Variants in SFMBT2 observed in about 807,000 individuals in gnomAD.
The protein encoded by SFMBT2 is Scm like with four mbt domains 2.
SFMBT2 carries 38 observed loss-of-function variants against 110.1 expected under a neutral mutation model. That is an observed-to-expected ratio of 0.35 (90% CI 0.27 to 0.45). The LOEUF is 0.45. SFMBT2 is among the 20% of genes least tolerant of loss of function. The pLI is 1.00. For synonymous variants in SFMBT2, 425 were observed against 425.4 expected (o/e 1.00, Z 0.01); for missense variants, 1,011 against 1,094.9 (o/e 0.92, Z 1.08).
intron 16 of SFMBT2, among the ~76,000 whole-genome samples, chr10:7,187,138 G>A (rs1490491720): frequency 6.6e-6 from 1 of 152,216 alleles, no homozygotes; most frequent in African/African-American, 2.4e-5. Flanking sequence ...GCGGGAGCGA[G>A]TTTCTGGCTT....
At chr10:7,219,894 G>T (rs910983183) in intron 11 of SFMBT2, 1 of 159,958 alleles carries the variant, frequency 6.3e-6, no homozygotes, top group Non-Finnish European at 1.3e-5. Flanking sequence ...CTGTAAATAC[G>T]CTATAGCTAT....
At chr10:7,366,147 G>C (rs1038272295) in intron 4 of SFMBT2, among the ~76,000 whole-genome samples, 1 of 152,046 alleles carries the variant, frequency 6.6e-6, no homozygotes, top group Non-Finnish European at 1.5e-5. Context: ...AGGAGGATGC[G>C]GAAAGGAAGG....
intron 4 of SFMBT2, among the ~76,000 whole-genome samples, chr10:7,342,108 T>C (rs1843925594): frequency 6.7e-6 from 1 of 149,736 alleles, no homozygotes; most frequent in South Asian, 2.1e-4. Context: ...AAAGTTACCA[T>C]GTGTTCATTG....
rs192278427 is a variant in SFMBT2, at chr10:7,371,269, G to A, written c.101-894C>T. Among the ~76,000 whole-genome samples, 107 of 152,094 alleles carry A rather than the reference G, an allele frequency of 7.0e-4. 1 individual carries two copies. The highest frequency in any genetic ancestry group is 5.7e-3 in the Admixed American group (87 of 15,276). ...TTCCTAAGTAGCTGGGACTAAAGGC[G>A]TGCATCACCACGCCCAACAAATTTT... On this transcript the variant is annotated intron_variant, in intron 2 of 20. Transcript: ENST00000397167.
chr10:7,280,995 C>T (rs370710104), intron 6 of SFMBT2, among the ~76,000 whole-genome samples: 1 of 152,184 alleles, frequency 6.6e-6, no homozygotes, highest in South Asian at 2.1e-4. Context: ...AAGCCCAGCA[C>T]TTTGGAAGGC....
chr10:7,388,842 T>C (rs1344575463), intron 1 of SFMBT2, among the ~76,000 whole-genome samples: 2 of 152,086 alleles, frequency 1.3e-5, no homozygotes, highest in Non-Finnish European at 2.9e-5. Context: ...ATGGAGTGGA[T>C]GTGGCAGGGT....
At chr10:7,168,017 G>A (rs996621975) in intron 20 of SFMBT2, among the ~76,000 whole-genome samples, 10 of 151,372 alleles carry the variant, frequency 6.6e-5, no homozygotes, top group African/African-American at 2.2e-4. Context: ...GCAGTGAGCC[G>A]AGATCGCGCC....
At chr10:7,363,427 C>T (rs1844789896) in intron 4 of SFMBT2, among the ~76,000 whole-genome samples, 1 of 152,002 alleles carries the variant, frequency 6.6e-6, no homozygotes, top group Non-Finnish European at 1.5e-5. Flanking sequence ...CGGCTCACGG[C>T]AACCTTTGCC....
chr10:7,239,078 T>A (rs1840353626), intron 9 of SFMBT2, among the ~76,000 whole-genome samples: 1 of 152,216 alleles, frequency 6.6e-6, no homozygotes, highest in African/African-American at 2.4e-5. Flanking sequence ...ATTTTTTTTT[T>A]AAGTAGGAAC....
intron 4 of SFMBT2, among the ~76,000 whole-genome samples, chr10:7,346,229 C>A (rs1844103656): frequency 6.6e-6 from 1 of 152,160 alleles, no homozygotes; most frequent in South Asian, 2.1e-4. Context: ...TAATCACCAG[C>A]CTTTTAAAAT....
intron 4 of SFMBT2, among the ~76,000 whole-genome samples, chr10:7,325,216 C>T (rs1266937401): frequency 6.6e-6 from 1 of 152,072 alleles, no homozygotes; most frequent in Non-Finnish European, 1.5e-5. Flanking sequence ...GATCCACCCG[C>T]CTTAGCCTCC....
chr10:7,373,051 A>C (rs1477115281), intron 2 of SFMBT2, among the ~76,000 whole-genome samples: 1 of 152,198 alleles, frequency 6.6e-6, no homozygotes, highest in Middle Eastern at 3.2e-3. Context: ...TCATGTTGCA[A>C]TCTGATTCCC....
chr10:7,257,795 T>C (rs963599180), intron 7 of SFMBT2, among the ~76,000 whole-genome samples: 2 of 152,164 alleles, frequency 1.3e-5, no homozygotes, highest in African/African-American at 4.8e-5. Flanking sequence ...GATAAATACA[T>C]CTCACATGAT....
At chr10:7,256,068 C>A (rs1192591798) in intron 7 of SFMBT2, among the ~76,000 whole-genome samples, 1 of 152,168 alleles carries the variant, frequency 6.6e-6, no homozygotes, top group Non-Finnish European at 1.5e-5. Flanking sequence ...ATGCTCCCTG[C>A]ATTGTCATTT....
chr10:7,410,945 CG>C lies in SFMBT2; in HGVS notation c.-137del, dbSNP rs1183121785. 2.0e-5 allele frequency among the ~76,000 whole-genome samples: 3 copies of C among 151,596 alleles called. No individual in the cohort carries two copies. Among genetic ancestry groups the C allele is most frequent in the Non-Finnish European group, 4.4e-5 (3 of 67,842 alleles). On this transcript the variant is annotated 5_prime_UTR_variant, in exon 1 of 21. The change creates a premature stop within an existing upstream ORF in the 5' untranslated region. Transcript: ENST00000397167. ...CACCGGCCTCGCTCGCTTGCTCGCT[CG>C]CCCGCCCTTGCCCGCTCGCTCCCCG...
intron 7 of SFMBT2, among the ~76,000 whole-genome samples, chr10:7,270,135 G>A (rs1841534836): frequency 1.3e-5 from 2 of 152,162 alleles, no homozygotes; most frequent in South Asian, 2.1e-4. Flanking sequence ...TCAAATGACG[G>A]TTGTCTTGTA....
intron 7 of SFMBT2, among the ~76,000 whole-genome samples, chr10:7,264,669 G>A (rs1841325802): frequency 1.3e-5 from 2 of 152,068 alleles, no homozygotes; most frequent in African/African-American, 2.4e-5. Context: ...GGGAGTCACT[G>A]CCCAGCCGCA....
chr10:7,197,464 C>A, intron 15 of SFMBT2, 84 bp downstream of exon 15: 1 of 1,546,254 alleles, frequency 6.5e-7, no homozygotes, highest in Non-Finnish European at 8.8e-7. Context: ...CTTCCAATGC[C>A]TATTCCCTCC....
chr10:7,273,081 C>T (rs1841649862), intron 7 of SFMBT2, among the ~76,000 whole-genome samples: 1 of 152,234 alleles, frequency 6.6e-6, no homozygotes, highest in Admixed American at 6.5e-5. Flanking sequence ...AGGCGTGAGC[C>T]ACCAACGCCC....
Sources: allele counts gnomAD v4.1 joint callset (sites outside exome capture counted in the v4.1 genomes callset), GRCh38; gene constraint gnomAD v4.1.1; transcripts MANE v1.5; gene names NCBI Gene and HGNC (gene_info 2026-07-23, HGNC 2026-07-21).